KIFC3: variants seen among roughly 807,000 people sequenced by gnomAD.
KIFC3 encodes kinesin family member C3.
A neutral mutation model predicts 101.8 loss-of-function variants in KIFC3; 60 were observed. The observed-to-expected ratio is 0.59, with a 90% confidence interval of 0.48 to 0.73. The LOEUF (loss-of-function observed/expected upper bound fraction) is 0.73, where lower values mean the gene tolerates loss of function less well. Among genes scored for constraint, KIFC3 ranks in the 30% least tolerant of loss-of-function variants. The probability of loss-of-function intolerance (pLI) is 0.00; values close to 1 mark genes in which losing one functional copy is unlikely to be tolerated. For missense variants in KIFC3, 966 were observed against 1,137.1 expected, an observed-to-expected ratio of 0.85 and a Z score of 2.16; for synonymous variants, 476 against 482.7, an observed-to-expected ratio of 0.99 and a Z score of 0.18.
chr16:57,811,703 G>T (rs1217201013), intron 1 of KIFC3, among the ~76,000 whole-genome samples: 1 of 152,090 alleles, frequency 6.6e-6, no homozygotes, highest in Non-Finnish European at 1.5e-5. Flanking sequence ...ATCATTTGAG[G>T]TCAGGAGTTC....
rs1294214506 is a variant in KIFC3 at position 57,765,488 on chromosome 16, C to A, written c.1483G>T (p.Val495Phe). 6.3e-7 allele frequency: 1 copy of A among 1,587,924 alleles called. No homozygotes were observed. Among genetic ancestry groups the A allele is most frequent in the Non-Finnish European group, 8.6e-7 (1 of 1,166,068 alleles). Residue 495 changes from valine (V) to phenylalanine (F), a missense_variant, in exon 11 of 20, where the codon GTC becomes TTC. This residue lies in a region of KIFC3 where 689 missense variants were observed against 884.6 expected (regional missense o/e 0.78). Transcript: ENST00000445690. Reference sequence around the variant, plus strand: ...TGCTGCGAGGCCTGTGGGGAGAAGACCTTGTCCAGCTCGAAGGACACAGGC... The same window carrying A: ...TGCTGCGAGGCCTGTGGGGAGAAGAACTTGTCCAGCTCGAAGGACACAGGC... Reference protein sequence around the residue: ...GKPVSFELDKVFSPQASQQDV... With the variant: ...GKPVSFELDKFFSPQASQQDV...
At chr16:57,765,770 G>T in intron 10 of KIFC3, 130 bp from the exon 11 acceptor site, 1 of 756,076 alleles carries the variant, frequency 1.3e-6, no homozygotes, top group Non-Finnish European at 2.1e-6. Flanking sequence ...CCCCCTAGGG[G>T]AAGGGGGCCC....
intron 3 of KIFC3, chr16:57,790,820 A>G (rs2053809378): frequency 1.5e-6 from 1 of 672,294 alleles, no homozygotes; most frequent in African/African-American, 1.9e-5. Context: ...GCCAATACAG[A>G]TAATTGAAAA....
chr16:57,809,859 A>G (rs2055024370), intron 1 of KIFC3, among the ~76,000 whole-genome samples: 1 of 152,176 alleles, frequency 6.6e-6, no homozygotes. Flanking sequence ...CCTGGGAGGC[A>G]TGAGGCATAT....
At position 57,783,472 on chromosome 16, in the gene KIFC3, C is replaced by CT. The variant is rs146386887; in HGVS notation, c.316-11185dup. On this transcript the variant is annotated intron_variant, in intron 3 of 19. Coordinates refer to ENST00000445690, the MANE Select transcript of KIFC3 (RefSeq NM_001130100.2). ...ATCTCCACAAAGCCCATTTTCTTTT[C>CT]TTTTTTTTTTTTTTTTTGAGACAGA... Among the ~76,000 whole-genome samples the CT allele has an allele frequency of 1.7e-3, 142 of 82,626 alleles. 1 individual carries two copies. Among genetic ancestry groups the CT allele is most frequent in the East Asian group, 0.012 (42 of 3,464 alleles). 54.2% of individuals were successfully genotyped at this position (82,626 alleles called of 152,430 possible). A position where few individuals can be genotyped will look rare whatever the true frequency, so the allele number is the denominator to read the frequency against.
chr16:57,828,069 C>A (rs1757879940), intron 1 of KIFC3, among the ~76,000 whole-genome samples: 3 of 152,198 alleles, frequency 2.0e-5, no homozygotes, highest in African/African-American at 7.2e-5. Flanking sequence ...GGATTTGTAA[C>A]CCAGGCAGCC....
Position 57,760,814 on chromosome 16 carries a change from T to G in KIFC3, c.2144A>C (p.Gln715Pro). Residue 715 changes from glutamine to proline, a missense_variant, in exon 16 of 20, where the codon CAG becomes CCG. This residue lies in a region of KIFC3 where 689 missense variants were observed against 884.6 expected (regional missense o/e 0.78). Transcript: ENST00000445690. ...GDVIAALRSR[Q>P]GHVPFRNSKL... ...GGAGTTGCGGAAGGGCACGTGGCCC[T>G]GGCGGGAGCGCAGGGCAGCAATGAC... 6.2e-7 allele frequency: 1 copy of G among 1,613,572 alleles called. No individual in the cohort carries two copies. The highest frequency in any genetic ancestry group is 8.5e-7 in the Non-Finnish European group (1 of 1,179,986).
At chr16:57,818,014 CT>C (rs112869689) in intron 1 of KIFC3, among the ~76,000 whole-genome samples, 7,176 of 147,280 alleles carry the variant, frequency 0.049, 203 homozygotes, top group African/African-American at 0.089. Context: ...TTCTTTCTTT[CT>C]TTTTTTTTTT....
intron 3 of KIFC3, among the ~76,000 whole-genome samples, chr16:57,784,859 C>T (rs1489076883): frequency 1.3e-5 from 2 of 151,960 alleles, no homozygotes; most frequent in Non-Finnish European, 2.9e-5. Context: ...CCCCATGGGA[C>T]GTGCAGCTCA....
chr16:57,775,830 C>A (rs528786980), intron 3 of KIFC3: 202 of 985,492 alleles, frequency 2.0e-4, no homozygotes, highest in Non-Finnish European at 2.4e-4. Context: ...GACGTCAATC[C>A]AGGGCTGAGG....
chr16:57,785,521 C>G, intron 3 of KIFC3: 1 of 1,289,440 alleles, frequency 7.8e-7, no homozygotes, highest in Non-Finnish European at 1.0e-6. Flanking sequence ...GGGCCAGCCT[C>G]TCCTGTAGGA....
At chr16:57,821,741 G>A (rs1555629947) in intron 1 of KIFC3, among the ~76,000 whole-genome samples, 1 of 152,036 alleles carries the variant, frequency 6.6e-6, no homozygotes, top group African/African-American at 2.4e-5. Context: ...CAGAATTCCT[G>A]AAGTTAAAAA....
intron 11 of KIFC3, 27 bp from the exon 12 acceptor site, chr16:57,764,274 G>T: frequency 7.7e-7 from 1 of 1,300,240 alleles, no homozygotes; most frequent in Non-Finnish European, 1.1e-6. Context: ...AGGGAGGCTG[G>T]TGGGGGGGCT....
At chr16:57,794,208 A>T (rs1430201741) in intron 3 of KIFC3, among the ~76,000 whole-genome samples, 1 of 152,014 alleles carries the variant, frequency 6.6e-6, no homozygotes, top group Non-Finnish European at 1.5e-5. Flanking sequence ...AAATATACAT[A>T]CATATGTAAA....
intron 3 of KIFC3, among the ~76,000 whole-genome samples, chr16:57,772,728 A>G (rs1295082684): frequency 6.6e-6 from 1 of 152,170 alleles, no homozygotes; most frequent in Admixed American, 6.5e-5. Flanking sequence ...TCCGAGCCCT[A>G]GATCCACCCT....
At chr16:57,829,073 C>A (rs1017449072) in intron 1 of KIFC3, among the ~76,000 whole-genome samples, 11 of 152,128 alleles carry the variant, frequency 7.2e-5, no homozygotes, top group African/African-American at 2.7e-4. Context: ...GACCATAATA[C>A]TTTTAAGGAC....
chr16:57,850,204 ACCAG>A (rs1185585063), intron 1 of KIFC3, among the ~76,000 whole-genome samples: 1 of 151,354 alleles, frequency 6.6e-6, no homozygotes, highest in African/African-American at 2.4e-5. Context: ...GTTCCAGACC[ACCAG>A]CCTGGGCAAC....
intron 1 of KIFC3, among the ~76,000 whole-genome samples, chr16:57,819,119 C>T (rs914927927): frequency 7.2e-5 from 11 of 152,170 alleles, no homozygotes; most frequent in Non-Finnish European, 1.5e-4. Flanking sequence ...CCACCCCAGA[C>T]GTAGCTCCAG....
intron 10 of KIFC3, among the ~76,000 whole-genome samples, chr16:57,766,158 C>G (rs1021209867): frequency 1.3e-5 from 2 of 152,138 alleles, no homozygotes; most frequent in Non-Finnish European, 2.9e-5. Flanking sequence ...CTGGTCATGC[C>G]GCCATCTACT....
Sources: allele counts gnomAD v4.1 joint callset (sites outside exome capture counted in the v4.1 genomes callset), GRCh38; gene constraint gnomAD v4.1.1; regional missense constraint gnomAD v4.1.1; transcripts MANE v1.5; gene names NCBI Gene and HGNC (gene_info 2026-07-23, HGNC 2026-07-21).